Variants in MARCHF9 observed in about 807,000 individuals in gnomAD.
The protein encoded by MARCHF9 is membrane associated ring-CH-type finger 9.
MARCHF9 carries 17 observed loss-of-function variants against 35.2 expected under a neutral mutation model. The observed-to-expected ratio is 0.48, with a 90% confidence interval of 0.33 to 0.72. The LOEUF (loss-of-function observed/expected upper bound fraction) is 0.72, where lower values mean the gene tolerates loss of function less well. MARCHF9 is among the 30% of genes least tolerant of loss of function. MARCHF9 has a pLI of 0.02. For missense variants in MARCHF9, 386 were observed against 478.2 expected (o/e 0.81, Z 1.80); for synonymous variants, 183 against 207.4 (o/e 0.88, Z 1.01).
intron 1 of MARCHF9, 112 bp from the exon 2 acceptor site, chr12:57,756,817 G>A (rs1195887574): frequency 1.7e-6 from 2 of 1,185,668 alleles, no homozygotes; most frequent in East Asian, 6.1e-5. Context: ...AAAGGCCTGA[G>A]TTATTTAAGG....
Position 57,758,456 on chromosome 12 carries a change from G to C in MARCHF9, c.707-107G>C. 7.4e-7 allele frequency: 1 copy of C among 1,357,698 alleles called. No homozygotes were observed. The highest frequency in any genetic ancestry group is 9.9e-7 in the Non-Finnish European group (1 of 1,006,314). 84.1% of individuals were successfully genotyped at this position (1,357,698 alleles called of 1,614,324 possible). A position where few individuals can be genotyped will look rare whatever the true frequency, so the allele number is the denominator to read the frequency against. Reference sequence around the variant, plus strand: ...TCAACCCACTTCCCTGCTTCTCCAGGGCCCTTTGCAACTGTATCTTCTCAC... The same window carrying C: ...TCAACCCACTTCCCTGCTTCTCCAGCGCCCTTTGCAACTGTATCTTCTCAC... On this transcript the variant is annotated intron_variant, in intron 3 of 3. Coordinates refer to ENST00000266643, the MANE Select transcript of MARCHF9 (RefSeq NM_138396.6). This position sits in a 1 kb window ranked among gnomAD's most constrained non-coding sequence, Gnocchi z 5.4.
intron 1 of MARCHF9, 102 bp from the exon 2 acceptor site, chr12:57,756,827 G>A (rs1467529117): frequency 8.0e-6 from 10 of 1,256,258 alleles, no homozygotes; most frequent in Non-Finnish European, 1.0e-5. Context: ...GTTATTTAAG[G>A]TGGGAAAGTG....
intron 2 of MARCHF9, chr12:57,757,331 G>A (rs181762787): frequency 7.2e-4 from 251 of 348,004 alleles, no homozygotes; most frequent in Non-Finnish European, 1.0e-3. Context: ...CTCCCCACCC[G>A]CCACAAAAAA....
chr12:57,759,065 C>T lies in MARCHF9; in HGVS notation c.*168C>T. 1 of 663,928 alleles carries T rather than the reference C, an allele frequency of 1.5e-6. No individual in the cohort carries two copies. Among genetic ancestry groups the T allele is most frequent in the Non-Finnish European group, 2.5e-6 (1 of 404,308 alleles). The allele number at this position is 663,928 out of a possible 1,614,324, so 41.1% of individuals were successfully genotyped here. On this transcript the variant is annotated 3_prime_UTR_variant, in exon 4 of 4. Transcript: ENST00000266643. Reference sequence around the variant, plus strand: ...AGACATTGTCTGGCCTCACTGCCCACTGGGTAGAGACACCTGGATGACATT... The same window carrying T: ...AGACATTGTCTGGCCTCACTGCCCATTGGGTAGAGACACCTGGATGACATT...
Position 57,758,480 on chromosome 12 carries a change from ACT to A in MARCHF9, c.707-80_707-79del. On this transcript the variant is annotated intron_variant, in intron 3 of 3. Transcript: ENST00000266643. This position sits in a 1 kb window ranked among gnomAD's most constrained non-coding sequence, Gnocchi z 5.4. ...GGGCCCTTTGCAACTGTATCTTCTC[ACT>A]CTGAAGAAATGCTTGCTTAAGTACC... 7.0e-7 allele frequency: 1 copy of A among 1,433,060 alleles called. No individual in the cohort carries two copies. Among genetic ancestry groups the A allele is most frequent in the East Asian group, 2.4e-5 (1 of 42,472 alleles). 88.8% of individuals were successfully genotyped at this position (1,433,060 alleles called of 1,614,324 possible).
chr12:57,755,718 C>A lies in MARCHF9; in HGVS notation c.190C>A (p.Arg64=). The change falls in exon 1 of 4, where the codon CGG becomes AGG. Residue 64 remains arginine (R), a synonymous_variant. Transcript: ENST00000266643. ...DEEEYYGSEP[R]ARGLAGDKEP... ...GGAGGAGTACTACGGGTCGGAGCCG[C>A]GGGCCCGGGGCCTGGCCGGCGACAA... 2 of 1,228,300 alleles carry A rather than the reference C, an allele frequency of 1.6e-6. No homozygotes were observed. The highest frequency in any genetic ancestry group is 1.6e-5 in the African/African-American group (1 of 63,280). The allele number at this position is 1,228,300 out of a possible 1,614,324, so 76.1% of individuals were successfully genotyped here.
In MARCHF9 at chr12:57,758,738, G is replaced by A. The variant is rs1456189499; in HGVS notation, c.882G>A (p.Gly294=). The change falls in exon 4 of 4, where the codon GGG becomes GGA. Residue 294 remains glycine, a synonymous_variant. Transcript: ENST00000266643. The surrounding 1 kb of genome is among the most constrained non-coding windows in gnomAD (Gnocchi z 5.4). The part of the protein sequence containing the change: ...PRNSRTGPTS[G]ATSRPPAAQR... ...ACTCACGGACGGGCCCCACCTCTGGGGCCACGAGCCGCCCCCCAGCTGCCC... is the reference window on the plus strand; with the variant it reads ...ACTCACGGACGGGCCCCACCTCTGGAGCCACGAGCCGCCCCCCAGCTGCCC... The A allele has an allele frequency of 6.2e-7, 1 of 1,610,258 alleles. No individual in the cohort carries two copies. Among genetic ancestry groups the A allele is most frequent in the South Asian group, 1.1e-5 (1 of 90,684 alleles).
Position 57,758,565 on chromosome 12 carries a change from C to T in MARCHF9, c.709C>T (p.Leu237Phe). Residue 237 changes from leucine to phenylalanine, a missense_variant and splice_region_variant, in exon 4 of 4, where the codon CTC (leucine) becomes TTC (phenylalanine). Leu to Phe is a conservative substitution (Grantham distance 22, BLOSUM62 0). This residue lies in a region of MARCHF9 where 219 missense variants were observed against 316.2 expected (regional missense o/e 0.69). Transcript: ENST00000266643. The surrounding 1 kb of genome is among the most constrained non-coding windows in gnomAD (Gnocchi z 5.4). ...YGFMDVVCIGLIIHEGSSVYR... is the reference protein window; with the variant it reads ...YGFMDVVCIGFIIHEGSSVYR... ...GATTTCTTATTCCTATTGCTCAGGC[C>T]TCATCATCCATGAAGGCTCCTCTGT... The T allele has an allele frequency of 6.2e-7, 1 of 1,604,216 alleles. No individual in the cohort carries two copies. The highest frequency in any genetic ancestry group is 8.5e-7 in the Non-Finnish European group (1 of 1,174,066).
intron 1 of MARCHF9, among the ~76,000 whole-genome samples, chr12:57,756,242 A>T (rs1411111098): frequency 6.6e-6 from 1 of 152,144 alleles, no homozygotes; most frequent in Non-Finnish European, 1.5e-5. Flanking sequence ...CCCCCCTTGA[A>T]GGGAGGGGCC....
In MARCHF9 at chr12:57,758,331, C is replaced by T; in HGVS notation, c.706+31C>T. 2 of 1,584,636 alleles carry T rather than the reference C, an allele frequency of 1.3e-6. No homozygotes were observed. Among genetic ancestry groups the T allele is most frequent in the East Asian group, 2.3e-5 (1 of 44,358 alleles). On this transcript the variant is annotated intron_variant, in intron 3 of 3. Coordinates refer to ENST00000266643, the MANE Select transcript of MARCHF9 (RefSeq NM_138396.6). This position sits in a 1 kb window ranked among gnomAD's most constrained non-coding sequence, Gnocchi z 5.4. ...GGCACCTCTCTCTCCTTTACCTGCT[C>T]TGTATCTTCCTCTTACACACCTAAC... is the stretch of plus-strand genomic sequence containing the variant.
At position 57,758,135 on chromosome 12, in the gene MARCHF9, G is replaced by A. The variant is rs768854594; in HGVS notation, c.541G>A (p.Glu181Lys). Reference protein sequence around the residue: ...QWQAISLTVIEKVQIAAIVLG... With the variant: ...QWQAISLTVIKKVQIAAIVLG... ...GCAGGCCATCTCCCTGACGGTCATC[G>A]AGAAGGTCCAGATTGCTGCCATAGT... Residue 181 changes from glutamate (E) to lysine (K), a missense_variant, in exon 3 of 4, where the codon GAG becomes AAG. Glu to Lys is a moderately conservative substitution (Grantham distance 56, BLOSUM62 1). Coordinates refer to ENST00000266643, the MANE Select transcript of MARCHF9 (RefSeq NM_138396.6). This position sits in a 1 kb window ranked among gnomAD's most constrained non-coding sequence, Gnocchi z 5.4. The A allele has an allele frequency of 6.2e-7, 1 of 1,614,120 alleles. No individual in the cohort carries two copies. The highest frequency in any genetic ancestry group is 8.5e-7 in the Non-Finnish European group (1 of 1,180,024).
rs926223048 is a variant in MARCHF9, at chr12:57,756,807, A to G, written c.358-122A>G. 14 of 1,066,746 alleles carry G rather than the reference A, an allele frequency of 1.3e-5. No individual in the cohort carries two copies. The African/African-American group carries it at 2.0e-4, about 15-fold the overall frequency. 66.1% of individuals were successfully genotyped at this position (1,066,746 alleles called of 1,614,324 possible). A position where few individuals can be genotyped will look rare whatever the true frequency, so the allele number is the denominator to read the frequency against. ...TTAGCCTCTTGCCCTGTCTTGGGTG[A>G]AAGGCCTGAGTTATTTAAGGTGGGA... On this transcript the variant is annotated intron_variant, in intron 1 of 3. Transcript: ENST00000266643.
At chr12:57,757,999 G>A (rs747196822) in intron 2 of MARCHF9, 109 bp from the exon 3 acceptor site, 3 of 1,083,282 alleles carry the variant, frequency 2.8e-6, no homozygotes, top group East Asian at 2.4e-5. Flanking sequence ...TGTTGATCCT[G>A]CCTGAAGGTT....
intron 2 of MARCHF9, 198 bp downstream of exon 2, chr12:57,757,282 A>G (rs979998959): frequency 1.2e-5 from 6 of 484,986 alleles, no homozygotes; most frequent in African/African-American, 1.2e-4. Flanking sequence ...GGTGCCACTT[A>G]TATTCCAGGC....
rs1955278557 is a variant in MARCHF9 at position 57,755,470 on chromosome 12, T to TCCCCCCC, written c.-53_-52insCCCCCCC. The stretch of plus-strand genomic sequence containing the variant: ...CCCTTCCCGGCCTTGTCCTCTCCCC[T>TCCCCCCC]CCCCCCGCCGCTAGCGAGCCCCCCT... On this transcript the variant is annotated 5_prime_UTR_variant, in exon 1 of 4. Transcript: ENST00000266643. The TCCCCCCC allele has an allele frequency of 1.0e-5, 1 of 99,454 alleles. No homozygotes were observed. The highest frequency in any genetic ancestry group is 2.0e-5 in the Non-Finnish European group (1 of 49,364). The allele number at this position is 99,454 out of a possible 1,614,324, so 6.2% of individuals were successfully genotyped here. A position where few individuals can be genotyped will look rare whatever the true frequency, so the allele number is the denominator to read the frequency against.
rs1955308481 is a variant in MARCHF9, at chr12:57,759,674, A to G, written c.*777A>G. On this transcript the variant is annotated 3_prime_UTR_variant, in exon 4 of 4. Coordinates refer to ENST00000266643, the MANE Select transcript of MARCHF9 (RefSeq NM_138396.6). The stretch of plus-strand genomic sequence containing the variant: ...TAGCTCTGGTTTTCCTGTCTACTTC[A>G]TAGGGTTGGAATAAGGATAAATGAG... The G allele has an allele frequency of 6.6e-6, 1 of 152,216 alleles. No homozygotes were observed. The highest frequency in any genetic ancestry group is 2.1e-4 in the South Asian group (1 of 4,836). 9.4% of individuals were successfully genotyped at this position (152,216 alleles called of 1,614,324 possible).
Position 57,758,455 on chromosome 12 carries a change from G to T in MARCHF9, c.707-108G>T. On this transcript the variant is annotated intron_variant, in intron 3 of 3. Transcript: ENST00000266643. The surrounding 1 kb of genome is among the most constrained non-coding windows in gnomAD (Gnocchi z 5.4). The stretch of plus-strand genomic sequence containing the variant: ...CTCAACCCACTTCCCTGCTTCTCCA[G>T]GGCCCTTTGCAACTGTATCTTCTCA... The T allele has an allele frequency of 7.4e-7, 1 of 1,358,544 alleles. No individual in the cohort carries two copies. The highest frequency in any genetic ancestry group is 2.6e-5 in the Admixed American group (1 of 38,198). 84.2% of individuals were successfully genotyped at this position (1,358,544 alleles called of 1,614,324 possible).
rs373480719 is a variant in MARCHF9 at position 57,756,866 on chromosome 12, A to T, written c.358-63A>T. On this transcript the variant is annotated intron_variant, in intron 1 of 3. Transcript: ENST00000266643. ...TGAAGAGGAGGTTTCCCTGTCGGGGAGCGCGGCTGAGTGGGGTCGGGGTGG... is the reference window on the plus strand; with the variant it reads ...TGAAGAGGAGGTTTCCCTGTCGGGGTGCGCGGCTGAGTGGGGTCGGGGTGG... 1.1e-4 allele frequency: 160 copies of T among 1,392,856 alleles called. 8 individuals are homozygous for T. The highest frequency in any genetic ancestry group is 5.3e-4 in the East Asian group (19 of 36,124). 86.3% of individuals were successfully genotyped at this position (1,392,856 alleles called of 1,614,324 possible). A position where few individuals can be genotyped will look rare whatever the true frequency, so the allele number is the denominator to read the frequency against.
chr12:57,757,009 G>A lies in MARCHF9; in HGVS notation c.438G>A (p.Glu146=), dbSNP rs1239751465. The A allele has an allele frequency of 6.3e-7, 1 of 1,583,564 alleles. No homozygotes were observed. The highest frequency in any genetic ancestry group is 2.3e-5 in the East Asian group (1 of 43,470). ...CCTGCCTCATCCGCTGGATCAGCGAGAGGGGCTCCTGGAGCTGTGAGCTCT... is the reference window on the plus strand; with the variant it reads ...CCTGCCTCATCCGCTGGATCAGCGAAAGGGGCTCCTGGAGCTGTGAGCTCT... ...HQPCLIRWIS[E]RGSWSCELCY... is the part of the protein sequence containing the mutation. The change falls in exon 2 of 4, where the codon GAG becomes GAA. Residue 146 remains glutamate, a synonymous_variant. Transcript: ENST00000266643.
Sources: gnomAD v4.1 joint callset for allele counts (sites outside exome capture counted in the v4.1 genomes callset) on GRCh38, gnomAD v4.1.1 for gene constraint, gnomAD v4.1.1 regional missense constraint, Gnocchi (gnomAD v3.1) non-coding constraint, MANE v1.5 for transcripts, NCBI Gene and HGNC (gene_info 2026-07-23, HGNC 2026-07-21) for gene names.